OR2W3: variants seen among roughly 807,000 people sequenced by gnomAD.
The protein encoded by OR2W3 is olfactory receptor family 2 subfamily W member 3, also known as olfactory receptor 2W3.
For synonymous variants in OR2W3, 196 were observed against 168.2 expected (o/e 1.17, Z -1.28); for missense variants, 448 against 397.0 (o/e 1.13, Z -1.09).
chr1:247,896,138 G>T lies in OR2W3; in HGVS notation c.552G>T (p.Leu184=), dbSNP rs1192726573. Residue 184 remains leucine (L), a synonymous_variant, in exon 1 of 1, where the codon CTG becomes CTT. Coordinates refer to ENST00000360358, the MANE Select transcript of OR2W3 (RefSeq NM_001001957.2). ...VDHFLREMPA[L]IRMACVSTVA... is the part of the protein sequence containing the mutation. Reference sequence around the variant, plus strand: ...ACTTCCTGCGTGAGATGCCCGCCCTGATCCGGATGGCCTGCGTCAGCACTG... The same window carrying T: ...ACTTCCTGCGTGAGATGCCCGCCCTTATCCGGATGGCCTGCGTCAGCACTG... 1.2e-6 allele frequency: 2 copies of T among 1,614,076 alleles called. No homozygotes were observed. The highest frequency in any genetic ancestry group is 2.7e-5 in the African/African-American group (2 of 74,940).
In OR2W3 at chr1:247,895,696, T is replaced by A. The variant is rs1375233959; in HGVS notation, c.110T>A (p.Leu37Gln). 1 of 1,613,940 alleles carries A rather than the reference T, an allele frequency of 6.2e-7. No individual in the cohort carries two copies. ...LFVVILIAYL[L>Q]TLVGNTTIIL... ...GTGGTCATCCTGATCGCGTACCTCC[T>A]GACCCTCGTAGGCAACACCACCATC... Residue 37 changes from leucine (L) to glutamine (Q), a missense_variant, in exon 1 of 1, where the codon CTG (leucine) becomes CAG (glutamine). By Grantham distance (113) the Leu-to-Gln change is moderately radical (BLOSUM62 -2). Transcript: ENST00000360358.
Position 247,896,364 on chromosome 1 carries a change from A to C in OR2W3, c.778A>C (p.Met260Leu). The C allele has an allele frequency of 6.2e-7, 1 of 1,614,020 alleles. No individual in the cohort carries two copies. Among genetic ancestry groups the C allele is most frequent in the Non-Finnish European group, 8.5e-7 (1 of 1,179,942 alleles). Residue 260 changes from methionine to leucine, a missense_variant, in exon 1 of 1, where the codon ATG (methionine) becomes CTG (leucine). Transcript: ENST00000360358. ...CTATGGAAACATCATCTACATGTAC[A>C]TGCAGCCAGGAGCCAGTTCTTCCCA... ...LFYGNIIYMY[M>L]QPGASSSQDQ...
In OR2W3 at chr1:247,895,602, G is replaced by A; in HGVS notation, c.16G>A (p.Gly6Ser). The change falls in exon 1 of 1, where the codon GGC (glycine) becomes AGC (serine). Residue 6 changes from glycine (G) to serine (S), a missense_variant. By Grantham distance (56) the Gly-to-Ser change is moderately conservative (BLOSUM62 0). Coordinates refer to ENST00000360358, the MANE Select transcript of OR2W3 (RefSeq NM_001001957.2). MDGTN[G>S]STQTHFILLG... ...AGCAGTAGAGATGGATGGAACCAAT[G>A]GCAGCACCCAAACCCATTTCATCCT... The A allele has an allele frequency of 6.2e-7, 1 of 1,609,182 alleles. No individual in the cohort carries two copies. Among genetic ancestry groups the A allele is most frequent in the South Asian group, 1.1e-5 (1 of 90,600 alleles).
At position 247,895,728 on chromosome 1, in the gene OR2W3, G is replaced by A; in HGVS notation, c.142G>A (p.Val48Met). 1 of 1,613,772 alleles carries A rather than the reference G, an allele frequency of 6.2e-7. No homozygotes were observed. The part of the protein sequence containing the change: ...TLVGNTTIIL[V>M]SRLDPHLHTP... Reference sequence around the variant, plus strand: ...CGTAGGCAACACCACCATCATCCTGGTGTCCCGGCTGGACCCCCACCTCCA... The same window carrying A: ...CGTAGGCAACACCACCATCATCCTGATGTCCCGGCTGGACCCCCACCTCCA... Residue 48 changes from valine to methionine, a missense_variant, in exon 1 of 1, where the codon GTG (valine) becomes ATG (methionine). Coordinates refer to ENST00000360358, the MANE Select transcript of OR2W3 (RefSeq NM_001001957.2).
chr1:247,895,908 G>A lies in OR2W3; in HGVS notation c.322G>A (p.Gly108Ser), dbSNP rs1659598432. Residue 108 changes from glycine to serine, a missense_variant, in exon 1 of 1, where the codon GGT becomes AGT. Physicochemically the swap from Gly to Ser is moderately conservative, Grantham distance 56 (BLOSUM62 0). Coordinates refer to ENST00000360358, the MANE Select transcript of OR2W3 (RefSeq NM_001001957.2). ...CCAGCTCTTCCTGTTCCTGGGTCTG[G>A]GTGGTGTGGAGTGCCTGCTTCTGGC... The part of the protein sequence containing the change: ...AIQLFLFLGL[G>S]GVECLLLAVM... The A allele has an allele frequency of 6.2e-7, 1 of 1,614,130 alleles. No individual in the cohort carries two copies. Among genetic ancestry groups the A allele is most frequent in the East Asian group, 2.2e-5 (1 of 44,868 alleles).
rs769939549 is a variant in OR2W3 at position 247,896,006 on chromosome 1, C to G, written c.420C>G (p.Leu140=). 5.0e-5 allele frequency: 80 copies of G among 1,614,036 alleles called. No individual in the cohort carries two copies. The highest frequency in any genetic ancestry group is 1.7e-5 in the Admixed American group (1 of 59,996). The change falls in exon 1 of 1, where the codon CTC becomes CTG. Residue 140 remains leucine, a synonymous_variant. Coordinates refer to ENST00000360358, the MANE Select transcript of OR2W3 (RefSeq NM_001001957.2). ...LHYMVIMNPR[L]CRGLVSVTWG... ...ACATGGTGATCATGAACCCCAGGCT[C>G]TGCCGGGGCTTGGTGTCAGTGACCT...
chr1:247,895,665 C>G lies in OR2W3; in HGVS notation c.79C>G (p.Leu27Val). 1.9e-6 allele frequency: 3 copies of G among 1,614,018 alleles called. No individual in the cohort carries two copies. The highest frequency in any genetic ancestry group is 2.5e-6 in the Non-Finnish European group (3 of 1,179,954). ...TGACCGACCCCATCTGGAGAGGATC[C>G]TCTTTGTGGTCATCCTGATCGCGTA... ...FSDRPHLERI[L>V]FVVILIAYLL... Residue 27 changes from leucine (L) to valine (V), a missense_variant, in exon 1 of 1, where the codon CTC becomes GTC. Physicochemically the swap from Leu to Val is conservative, Grantham distance 32. Transcript: ENST00000360358.
Position 247,896,394 on chromosome 1 carries a change from C to G in OR2W3, c.808C>G (p.Gln270Glu), listed in dbSNP as rs754999456. 7.4e-6 allele frequency: 12 copies of G among 1,613,686 alleles called. No individual in the cohort carries two copies. The South Asian group carries it at 1.3e-4, about 18-fold the overall frequency. The change falls in exon 1 of 1, where the codon CAG (glutamine) becomes GAG (glutamate). Residue 270 changes from glutamine to glutamate, a missense_variant. By Grantham distance (29) the Gln-to-Glu change is conservative (BLOSUM62 2). Coordinates refer to ENST00000360358, the MANE Select transcript of OR2W3 (RefSeq NM_001001957.2). ...MQPGASSSQD[Q>E]GMFLMLFYNI... ...GCCAGGAGCCAGTTCTTCCCAGGAC[C>G]AGGGCATGTTCCTCATGCTCTTCTA...
rs1348111183 is a variant in OR2W3, at chr1:247,896,096, G to A, written c.510G>A (p.Gly170=). The A allele has an allele frequency of 5.6e-6, 9 of 1,614,056 alleles. No homozygotes were observed. The highest frequency in any genetic ancestry group is 1.3e-5 in the African/African-American group (1 of 74,930). Residue 170 remains glycine (G), a synonymous_variant, in exon 1 of 1, where the codon GGG becomes GGA. Transcript: ENST00000360358. ...TGACCCTGCGCTTACCCCGCTGTGG[G>A]CACCACGAGGTGGACCACTTCCTGC... is the stretch of plus-strand genomic sequence containing the variant. ...SPVTLRLPRC[G]HHEVDHFLRE...
chr1:247,895,954 G>A lies in OR2W3; in HGVS notation c.368G>A (p.Cys123Tyr). The part of the protein sequence containing the change: ...LLLAVMAYDR[C>Y]VAICKPLHYM... ...CTGGCTGTCATGGCCTATGACCGGTGTGTGGCTATCTGCAAGCCCCTGCAC... is the reference window on the plus strand; with the variant it reads ...CTGGCTGTCATGGCCTATGACCGGTATGTGGCTATCTGCAAGCCCCTGCAC... Residue 123 changes from cysteine to tyrosine, a missense_variant, in exon 1 of 1, where the codon TGT becomes TAT. Transcript: ENST00000360358. 1 of 1,614,116 alleles carries A rather than the reference G, an allele frequency of 6.2e-7. No individual in the cohort carries two copies. Among genetic ancestry groups the A allele is most frequent in the Non-Finnish European group, 8.5e-7 (1 of 1,180,008 alleles).
chr1:247,896,067 C>T lies in OR2W3; in HGVS notation c.481C>T (p.Pro161Ser), dbSNP rs376143406. Residue 161 changes from proline to serine, a missense_variant, in exon 1 of 1, where the codon CCT becomes TCT. Physicochemically the swap from Pro to Ser is moderately conservative, Grantham distance 74. Coordinates refer to ENST00000360358, the MANE Select transcript of OR2W3 (RefSeq NM_001001957.2). ...CGVANSLAMS[P>S]VTLRLPRCGH... ...GGTGGCCAACTCCTTGGCCATGTCT[C>T]CTGTGACCCTGCGCTTACCCCGCTG... is the stretch of plus-strand genomic sequence containing the variant. 4 of 1,614,074 alleles carry T rather than the reference C, an allele frequency of 2.5e-6. No homozygotes were observed. In the African/African-American group the frequency reaches 4.0e-5, roughly 16 times the overall value.
Position 247,895,870 on chromosome 1 carries a change from T to G in OR2W3, c.284T>G (p.Met95Arg), listed in dbSNP as rs756006680. The G allele has an allele frequency of 6.2e-7, 1 of 1,614,132 alleles. No individual in the cohort carries two copies. The highest frequency in any genetic ancestry group is 8.5e-7 in the Non-Finnish European group (1 of 1,180,006). Residue 95 changes from methionine to arginine, a missense_variant, in exon 1 of 1, where the codon ATG becomes AGG. Transcript: ENST00000360358. ...LNGCDKTISY[M>R]GCAIQLFLFL... ...GGATGTGACAAGACCATCAGCTACATGGGCTGTGCCATCCAGCTCTTCCTG... is the reference window on the plus strand; with the variant it reads ...GGATGTGACAAGACCATCAGCTACAGGGGCTGTGCCATCCAGCTCTTCCTG...
At position 247,895,913 on chromosome 1, in the gene OR2W3, T is replaced by C; in HGVS notation, c.327T>C (p.Gly109=). The C allele has an allele frequency of 6.2e-7, 1 of 1,614,050 alleles. No individual in the cohort carries two copies. The highest frequency in any genetic ancestry group is 8.5e-7 in the Non-Finnish European group (1 of 1,179,946). The part of the protein sequence containing the change: ...IQLFLFLGLG[G]VECLLLAVMA... ...TCTTCCTGTTCCTGGGTCTGGGTGGTGTGGAGTGCCTGCTTCTGGCTGTCA... is the reference window on the plus strand; with the variant it reads ...TCTTCCTGTTCCTGGGTCTGGGTGGCGTGGAGTGCCTGCTTCTGGCTGTCA... The change falls in exon 1 of 1, where the codon GGT becomes GGC. Residue 109 remains glycine (G), a synonymous_variant. Transcript: ENST00000360358.
chr1:247,895,697 G>A lies in OR2W3; in HGVS notation c.111G>A (p.Leu37=). Residue 37 remains leucine (L), a synonymous_variant, in exon 1 of 1, where the codon CTG becomes CTA. Coordinates refer to ENST00000360358, the MANE Select transcript of OR2W3 (RefSeq NM_001001957.2). ...TGGTCATCCTGATCGCGTACCTCCT[G>A]ACCCTCGTAGGCAACACCACCATCA... The part of the protein sequence containing the change: ...LFVVILIAYL[L]TLVGNTTIIL... 6.2e-7 allele frequency: 1 copy of A among 1,613,884 alleles called. No homozygotes were observed. The highest frequency in any genetic ancestry group is 8.5e-7 in the Non-Finnish European group (1 of 1,179,878).
Position 247,896,207 on chromosome 1 carries a change from G to T in OR2W3, c.621G>T (p.Val207=). ...GTVFVLAVGV[V]LSPLVFILLS... is the part of the protein sequence containing the mutation. ...TCTTTGTCCTGGCGGTGGGTGTTGT[G>T]CTGTCCCCCTTGGTGTTTATCCTGC... The change falls in exon 1 of 1, where the codon GTG becomes GTT. Residue 207 remains valine (V), a synonymous_variant. Transcript: ENST00000360358. The T allele has an allele frequency of 6.2e-7, 1 of 1,614,196 alleles. No homozygotes were observed.
At position 247,896,243 on chromosome 1, in the gene OR2W3, C is replaced by A. The variant is rs754274179; in HGVS notation, c.657C>A (p.Ser219Arg). The A allele has an allele frequency of 6.2e-7, 1 of 1,614,202 alleles. No homozygotes were observed. Among genetic ancestry groups the A allele is most frequent in the Admixed American group, 1.7e-5 (1 of 60,026 alleles). ...TGGTGTTTATCCTGCTCTCTTACAG[C>A]TACATTGTGAGGGCTGTGTTACAAA... ...SPLVFILLSY[S>R]YIVRAVLQIR... The change falls in exon 1 of 1, where the codon AGC becomes AGA. Residue 219 changes from serine to arginine, a missense_variant. By Grantham distance (110) the Ser-to-Arg change is moderately radical. Transcript: ENST00000360358.
Position 247,896,266 on chromosome 1 carries a change from A to G in OR2W3, c.680A>G (p.Gln227Arg). The G allele has an allele frequency of 1.2e-6, 2 of 1,614,158 alleles. No homozygotes were observed. The highest frequency in any genetic ancestry group is 8.5e-7 in the Non-Finnish European group (1 of 1,180,026). ...SYSYIVRAVL[Q>R]IRSASGRQKA... ...AGCTACATTGTGAGGGCTGTGTTAC[A>G]AATTCGGTCAGCATCAGGAAGGCAG... The change falls in exon 1 of 1, where the codon CAA (glutamine) becomes CGA (arginine). Residue 227 changes from glutamine (Q) to arginine (R), a missense_variant. By Grantham distance (43) the Gln-to-Arg change is conservative. Coordinates refer to ENST00000360358, the MANE Select transcript of OR2W3 (RefSeq NM_001001957.2).
In OR2W3 at chr1:247,896,347, A is replaced by G. The variant is rs140064488; in HGVS notation, c.761A>G (p.Asn254Ser). The change falls in exon 1 of 1, where the codon AAC (asparagine) becomes AGC (serine). Residue 254 changes from asparagine (N) to serine (S), a missense_variant. Transcript: ENST00000360358. ...ACTGTGGTCTCCCTTTTCTATGGAA[A>G]CATCATCTACATGTACATGCAGCCA... ...HLTVVSLFYG[N>S]IIYMYMQPGA... The G allele has an allele frequency of 5.6e-6, 9 of 1,614,138 alleles. No homozygotes were observed. Among genetic ancestry groups the G allele is most frequent in the Admixed American group, 1.7e-5 (1 of 60,006 alleles).
Position 247,895,741 on chromosome 1 carries a change from A to G in OR2W3, c.155A>G (p.Asp52Gly). ...ACCATCATCCTGGTGTCCCGGCTGG[A>G]CCCCCACCTCCACACCCCCATGTAC... ...NTTIILVSRLDPHLHTPMYFF... is the reference protein window; with the variant it reads ...NTTIILVSRLGPHLHTPMYFF... Residue 52 changes from aspartate (D) to glycine (G), a missense_variant, in exon 1 of 1, where the codon GAC (aspartate) becomes GGC (glycine). Transcript: ENST00000360358. 6.2e-7 allele frequency: 1 copy of G among 1,612,758 alleles called. No individual in the cohort carries two copies. The highest frequency in any genetic ancestry group is 1.1e-5 in the South Asian group (1 of 90,960).
Sources: allele counts gnomAD v4.1 joint callset, GRCh38; gene constraint gnomAD v4.1.1; transcripts MANE v1.5; gene names NCBI Gene and HGNC (gene_info 2026-07-23, HGNC 2026-07-21).